The following PGM5 variants were observed in gnomAD, a reference collection of about 807,000 sequenced individuals.
The protein encoded by PGM5 is phosphoglucomutase-like protein 5.
In PGM5, 23 loss-of-function variants were observed where a neutral mutation model predicts 59.2. That is an observed-to-expected ratio of 0.39 (90% CI 0.28 to 0.55). The LOEUF is 0.55. Among genes scored for constraint, PGM5 ranks in the 20% least tolerant of loss-of-function variants. PGM5 has a pLI of 0.66. For missense variants in PGM5, 574 were observed against 748.3 expected (o/e 0.77, Z 2.72); for synonymous variants, 214 against 286.0 (o/e 0.75, Z 2.54).
At chr9:68,371,993 C>G (rs1242548334) in intron 1 of PGM5, among the ~76,000 whole-genome samples, 1 of 152,206 alleles carries the variant, frequency 6.6e-6, no homozygotes, top group Admixed American at 6.5e-5. Flanking sequence ...TCACTGACAC[C>G]TTGATTTTGA....
intron 6 of PGM5, among the ~76,000 whole-genome samples, chr9:68,419,953 G>A (rs1183519440): frequency 1.3e-5 from 2 of 152,114 alleles, no homozygotes; most frequent in African/African-American, 2.4e-5. Context: ...CTACCAAATG[G>A]CGTAGCTGCC....
rs563019936 is a variant in PGM5, at chr9:68,362,756, C to A, written c.261+5368C>A. ...TGGGTGGGTACACCTAAGGCAATTT[C>A]TTTTTCTCTTCTTTGTTCTCTGCTT... On this transcript the variant is annotated intron_variant, in intron 1 of 10. Coordinates refer to ENST00000396396, the MANE Select transcript of PGM5 (RefSeq NM_021965.4). 3.0e-3 allele frequency among the ~76,000 whole-genome samples: 455 copies of A among 151,214 alleles called. 4 individuals are homozygous for A. Among genetic ancestry groups the A allele is most frequent in the African/African-American group, 0.011 (433 of 41,198 alleles).
At chr9:68,447,934 C>T (rs1554684106) in intron 6 of PGM5, among the ~76,000 whole-genome samples, 1 of 152,162 alleles carries the variant, frequency 6.6e-6, no homozygotes, top group South Asian at 2.1e-4. Context: ...TGTTTAAATA[C>T]AGGCATTTGG....
chr9:68,405,593 T>G (rs77318571), intron 6 of PGM5: 1 of 153,702 alleles, frequency 6.5e-6, no homozygotes, highest in Admixed American at 6.5e-5. Flanking sequence ...TCCTCTTTAT[T>G]CCTTTCTTCC....
chr9:68,483,333 G>T (rs1305849265), intron 8 of PGM5, among the ~76,000 whole-genome samples: 1 of 152,190 alleles, frequency 6.6e-6, no homozygotes, highest in Non-Finnish European at 1.5e-5. Flanking sequence ...GTCAGAGAAG[G>T]TCACATTCTA....
chr9:68,477,482 T>G (rs970621354), intron 7 of PGM5, among the ~76,000 whole-genome samples: 4 of 152,236 alleles, frequency 2.6e-5, no homozygotes, highest in Non-Finnish European at 5.9e-5. Flanking sequence ...GCGTCTCCCT[T>G]GTTGGTTTTC....
At chr9:68,466,031 C>T (rs893991614) in intron 7 of PGM5, 16 of 606,670 alleles carry the variant, frequency 2.6e-5, no homozygotes, top group South Asian at 8.0e-5. Context: ...AATATTTCTC[C>T]TTCCCCATTC....
chr9:68,361,390 G>A (rs143242154), intron 1 of PGM5, among the ~76,000 whole-genome samples: 10,813 of 152,126 alleles, frequency 0.071, 407 homozygotes, highest in Middle Eastern at 0.19. Flanking sequence ...TGCTTTTTAT[G>A]GTGTCATTTA....
intron 10 of PGM5, among the ~76,000 whole-genome samples, chr9:68,503,601 A>T (rs1357990889): frequency 6.6e-6 from 1 of 152,240 alleles, no homozygotes; most frequent in East Asian, 1.9e-4. Flanking sequence ...ATAAACCAGG[A>T]GACATGATTA....
At chr9:68,425,625 T>C (rs1262145646) in intron 6 of PGM5, among the ~76,000 whole-genome samples, 2 of 152,236 alleles carry the variant, frequency 1.3e-5, no homozygotes, top group African/African-American at 4.8e-5. Flanking sequence ...ATTTTAGAAA[T>C]ATTTTTAATC....
At chr9:68,430,358 G>A (rs915421196) in intron 6 of PGM5, among the ~76,000 whole-genome samples, 2 of 152,226 alleles carry the variant, frequency 1.3e-5, no homozygotes, top group East Asian at 1.9e-4. Flanking sequence ...CATGGAGAGC[G>A]AAATGAGTGC....
At chr9:68,386,271 A>G (rs1822215396) in intron 3 of PGM5, among the ~76,000 whole-genome samples, 1 of 152,072 alleles carries the variant, frequency 6.6e-6, no homozygotes, top group Non-Finnish European at 1.5e-5. Flanking sequence ...AACAAAATTT[A>G]CCATTTTAAC....
chr9:68,389,616 C>T (rs1258013033), intron 4 of PGM5, among the ~76,000 whole-genome samples: 2 of 151,860 alleles, frequency 1.3e-5, no homozygotes, highest in Non-Finnish European at 2.9e-5. Context: ...ATTGTGTTGT[C>T]GATATACCAC....
At chr9:68,441,804 A>T (rs1823532650) in intron 6 of PGM5, among the ~76,000 whole-genome samples, 2 of 152,328 alleles carry the variant, frequency 1.3e-5, no homozygotes, top group South Asian at 4.1e-4. Context: ...AAGGAAAAAA[A>T]ATATGGATTC....
At position 68,479,481 on chromosome 9, in the gene PGM5, C is replaced by T. The variant is rs1824156304; in HGVS notation, c.1223C>T (p.Ala408Val). The T allele has an allele frequency of 4.3e-6, 7 of 1,613,930 alleles. No individual in the cohort carries two copies. Among genetic ancestry groups the T allele is most frequent in the Non-Finnish European group, 5.1e-6 (6 of 1,179,968 alleles). ...WAVLVWLSII[A>V]ARKQSVEEIV... ...GTCTTGGTCTGGCTCTCCATTATTG[C>T]TGCCCGGAAGCAGAGTGTGGAGGAA... is the stretch of plus-strand genomic sequence containing the variant. The change falls in exon 8 of 11, where the codon GCT (alanine) becomes GTT (valine). Residue 408 changes from alanine to valine, a missense_variant. Physicochemically the swap from Ala to Val is moderately conservative, Grantham distance 64. This residue lies in a region of PGM5 where 300 missense variants were observed against 280.0 expected (regional missense o/e 1.07). Transcript: ENST00000396396.
chr9:68,483,806 TG>T (rs1346513419), intron 8 of PGM5, 58 bp from the exon 9 acceptor site: 96 of 1,500,638 alleles, frequency 6.4e-5, no homozygotes, highest in Non-Finnish European at 8.6e-5. Flanking sequence ...TAACTGTAAG[TG>T]GGCCACCCAG....
At chr9:68,427,526 G>C (rs549076412) in intron 6 of PGM5, among the ~76,000 whole-genome samples, 1 of 152,134 alleles carries the variant, frequency 6.6e-6, no homozygotes, top group African/African-American at 2.4e-5. Context: ...ACCTGCTGTG[G>C]GCATGAATGC....
At chr9:68,490,049 A>G (rs1824364637) in intron 9 of PGM5, among the ~76,000 whole-genome samples, 1 of 152,214 alleles carries the variant, frequency 6.6e-6, no homozygotes, top group Non-Finnish European at 1.5e-5. Flanking sequence ...TAGCGTTGTT[A>G]TTTTAATTTG....
intron 6 of PGM5, among the ~76,000 whole-genome samples, chr9:68,463,541 G>A (rs1554685591): frequency 3.3e-5 from 5 of 152,160 alleles, no homozygotes; most frequent in African/African-American, 1.2e-4. Flanking sequence ...AAATTAAGCA[G>A]ATCTGGGTCC....
Sources: allele counts gnomAD v4.1 joint callset (sites outside exome capture counted in the v4.1 genomes callset), GRCh38; gene constraint gnomAD v4.1.1; regional missense constraint gnomAD v4.1.1; transcripts MANE v1.5; gene names NCBI Gene and HGNC (gene_info 2026-07-23, HGNC 2026-07-21).